Variants in PRKG1 observed in about 807,000 individuals in gnomAD.
PRKG1 encodes the protein protein kinase cGMP-dependent 1.
Under a neutral mutation model 88.1 loss-of-function variants are expected in PRKG1, and 35 were observed. The observed-to-expected ratio is 0.40, with a 90% CI of 0.30 to 0.53. PRKG1 has a LOEUF of 0.53. PRKG1 is among the 20% of genes least tolerant of loss of function. The probability of loss-of-function intolerance (pLI) is 0.59; values close to 1 mark genes in which losing one functional copy is unlikely to be tolerated. For synonymous variants in PRKG1, 303 were observed against 292.5 expected, an observed-to-expected ratio of 1.04 and a Z score of -0.37; for missense variants, 540 against 839.8, an observed-to-expected ratio of 0.64 and a Z score of 4.41.
intron 9 of PRKG1, among the ~76,000 whole-genome samples, chr10:52,176,902 G>C (rs1365768695): frequency 6.6e-6 from 1 of 151,964 alleles, no homozygotes; most frequent in African/African-American, 2.4e-5. Flanking sequence ...TAATGTTAAG[G>C]GTTTTTGTGG....
At chr10:51,260,982 G>A (rs10996377) in intron 2 of PRKG1, among the ~76,000 whole-genome samples, 19,115 of 152,060 alleles carry the variant, frequency 0.13, 1,776 homozygotes, top group African/African-American at 0.26. Context: ...AAAATATGTC[G>A]TAACTTAAAC....
In PRKG1 at chr10:51,291,275, G is replaced by T. The variant is rs373376022; in HGVS notation, c.478+137945G>T. On this transcript the variant is annotated intron_variant, in intron 2 of 17. Coordinates refer to ENST00000373980, the MANE Select transcript of PRKG1 (RefSeq NM_006258.4). Reference sequence around the variant, plus strand: ...ACTGAAGCCAAAAGTTAATTTAGTGGTTTTCCTACCTGTAGAATATGAGGA... The same window carrying T: ...ACTGAAGCCAAAAGTTAATTTAGTGTTTTTCCTACCTGTAGAATATGAGGA... Among the ~76,000 whole-genome samples the T allele has an allele frequency of 7.9e-5, 12 of 152,218 alleles. No homozygotes were observed. In the East Asian group the frequency reaches 1.5e-3, roughly 20 times the overall value.
At chr10:52,215,523 C>A (rs763090899) in intron 9 of PRKG1, among the ~76,000 whole-genome samples, 2 of 152,076 alleles carry the variant, frequency 1.3e-5, no homozygotes, top group African/African-American at 2.4e-5. Context: ...TTGTGCATCT[C>A]AGGTCAGTGT....
intron 9 of PRKG1, among the ~76,000 whole-genome samples, chr10:52,240,588 CA>C (rs1239366933): frequency 6.6e-6 from 1 of 152,096 alleles, no homozygotes; most frequent in African/African-American, 2.4e-5. Flanking sequence ...CATCATAGAA[CA>C]ATGCCAAATT....
At chr10:51,023,399 T>G (rs1414283601) in intron 1 of PRKG1, among the ~76,000 whole-genome samples, 1 of 152,238 alleles carries the variant, frequency 6.6e-6, no homozygotes, top group Non-Finnish European at 1.5e-5. Context: ...ATTGGGAAAG[T>G]CATGGCCCTT....
intron 2 of PRKG1, among the ~76,000 whole-genome samples, chr10:51,217,673 G>A (rs1407773462): frequency 6.6e-6 from 1 of 151,974 alleles, no homozygotes; most frequent in Non-Finnish European, 1.5e-5. Flanking sequence ...TTCTGTTTCT[G>A]GCCTTAGTTC....
chr10:51,398,714 A>G (rs905497703), intron 2 of PRKG1, among the ~76,000 whole-genome samples: 3 of 152,182 alleles, frequency 2.0e-5, no homozygotes, highest in Non-Finnish European at 2.9e-5. Context: ...GATAAGATTA[A>G]CATTTGAATC....
At chr10:51,946,603 G>T (rs1027916224) in intron 5 of PRKG1, among the ~76,000 whole-genome samples, 11 of 151,912 alleles carry the variant, frequency 7.2e-5, no homozygotes, top group Non-Finnish European at 5.9e-5. Context: ...ATCTACTTTT[G>T]GTCTTTGATG....
At chr10:51,769,240 T>G (rs1346223465) in intron 3 of PRKG1, among the ~76,000 whole-genome samples, 2 of 152,200 alleles carry the variant, frequency 1.3e-5, no homozygotes, top group African/African-American at 2.4e-5. Context: ...GTTCTCTGAA[T>G]GATTCTTGTT....
At chr10:51,542,132 GT>G (rs1165967470) in intron 3 of PRKG1, among the ~76,000 whole-genome samples, 1 of 151,928 alleles carries the variant, frequency 6.6e-6, no homozygotes, top group East Asian at 1.9e-4. Context: ...AGAGAATCAT[GT>G]TTCCATATAA....
At chr10:51,713,899 A>T (rs1405703455) in intron 3 of PRKG1, among the ~76,000 whole-genome samples, 3 of 152,222 alleles carry the variant, frequency 2.0e-5, no homozygotes, top group African/African-American at 7.2e-5. Context: ...AGAATCCCAG[A>T]TGTTATTTAG....
chr10:52,248,949 C>CT (rs1027147514), intron 9 of PRKG1, among the ~76,000 whole-genome samples: 1 of 141,936 alleles, frequency 7.0e-6, no homozygotes, highest in Non-Finnish European at 1.5e-5. Context: ...CTTTCCTTTC[C>CT]TTTTTTTCTC....
chr10:51,328,915 G>A (rs1051974881), intron 2 of PRKG1, among the ~76,000 whole-genome samples: 4 of 151,944 alleles, frequency 2.6e-5, no homozygotes, highest in East Asian at 1.9e-4. Flanking sequence ...GGGAACAGGC[G>A]TTGCCCATTT....
At chr10:51,891,374 A>C (rs1421278296) in intron 4 of PRKG1, among the ~76,000 whole-genome samples, 1 of 152,244 alleles carries the variant, frequency 6.6e-6, no homozygotes, top group Non-Finnish European at 1.5e-5. Flanking sequence ...TTAAGAGTTA[A>C]TATTTTTGAA....
intron 5 of PRKG1, among the ~76,000 whole-genome samples, chr10:51,979,080 A>G (rs1843925194): frequency 6.6e-6 from 1 of 151,982 alleles, no homozygotes; most frequent in Admixed American, 6.6e-5. Context: ...CATTCAGCAT[A>G]ATGTTGTCTG....
chr10:51,227,692 A>G (rs371909533), intron 2 of PRKG1, among the ~76,000 whole-genome samples: 2 of 152,180 alleles, frequency 1.3e-5, no homozygotes, highest in African/African-American at 4.8e-5. Flanking sequence ...GAAAAGCCAG[A>G]GTTCAGCAAC....
At chr10:51,431,233 G>A (rs773763095) in intron 2 of PRKG1, among the ~76,000 whole-genome samples, 80 of 152,292 alleles carry the variant, frequency 5.3e-4, no homozygotes, top group Non-Finnish European at 9.6e-4. Flanking sequence ...AAGTGACAAA[G>A]TGATGACATG....
At chr10:51,563,331 G>A (rs1250212648) in intron 3 of PRKG1, among the ~76,000 whole-genome samples, 1 of 152,076 alleles carries the variant, frequency 6.6e-6, no homozygotes, top group Non-Finnish European at 1.5e-5. Context: ...AATGATAAAT[G>A]TTTGAGATAT....
At chr10:52,038,100 G>A (rs1239375395) in intron 5 of PRKG1, among the ~76,000 whole-genome samples, 4 of 152,114 alleles carry the variant, frequency 2.6e-5, no homozygotes, top group Non-Finnish European at 4.4e-5. Context: ...AACTACTGTC[G>A]AGTTTGTATT....
Sources: gnomAD v4.1 joint callset for allele counts (sites outside exome capture counted in the v4.1 genomes callset) on GRCh38, gnomAD v4.1.1 for gene constraint, MANE v1.5 for transcripts, NCBI Gene and HGNC (gene_info 2026-07-23, HGNC 2026-07-21) for gene names.